RANBP17: variants seen among roughly 807,000 people sequenced by gnomAD.
RANBP17 encodes ran-binding protein 17.
RANBP17 carries 158 observed loss-of-function variants against 141.2 expected under a neutral mutation model. That is an observed-to-expected ratio of 1.12 (90% CI 0.98 to 1.28). The LOEUF is 1.28. Among genes scored for constraint, RANBP17 ranks in the 50% most tolerant of loss-of-function variants. The pLI is 0.00. For synonymous variants in RANBP17, 430 were observed against 450.0 expected, an observed-to-expected ratio of 0.96 and a Z score of 0.56; for missense variants, 1,438 against 1,290.7, an observed-to-expected ratio of 1.11 and a Z score of -1.75.
chr5:170,931,767 T>G (rs1773410095), intron 12 of RANBP17, among the ~76,000 whole-genome samples: 1 of 152,198 alleles, frequency 6.6e-6, no homozygotes, highest in South Asian at 2.1e-4. Context: ...TTGGTCTATA[T>G]CTCTGTTTTG....
At chr5:171,231,700 C>T (rs1011755048) in intron 22 of RANBP17, among the ~76,000 whole-genome samples, 5 of 152,040 alleles carry the variant, frequency 3.3e-5, no homozygotes, top group African/African-American at 1.2e-4. Flanking sequence ...GCTTTAAATA[C>T]GGGGAATTTA....
At chr5:170,898,275 T>C (rs1477601005) in intron 5 of RANBP17, among the ~76,000 whole-genome samples, 1 of 152,252 alleles carries the variant, frequency 6.6e-6, no homozygotes, top group Non-Finnish European at 1.5e-5. Context: ...ATTTCTCTAA[T>C]GACTAGTGAT....
At chr5:171,128,838 T>A (rs6888492) in intron 14 of RANBP17, among the ~76,000 whole-genome samples, 1 of 151,390 alleles carries the variant, frequency 6.6e-6, no homozygotes, top group African/African-American at 2.4e-5. Context: ...CCAAAAAAAA[T>A]TTGGACATGA....
chr5:171,199,559 GC>G (rs1368885612), intron 18 of RANBP17, 110 bp from the exon 19 acceptor site: 5 of 588,174 alleles, frequency 8.5e-6, no homozygotes, highest in Non-Finnish European at 1.5e-5. Flanking sequence ...GTGAATGCAG[GC>G]TGACCCCTTC....
At position 170,984,111 on chromosome 5, in the gene RANBP17, T is replaced by G. The variant is rs374993117; in HGVS notation, c.1710+15734T>G. Among the ~76,000 whole-genome samples, 37 of 152,154 alleles carry G rather than the reference T, an allele frequency of 2.4e-4. No individual in the cohort carries two copies. In the South Asian group the frequency reaches 7.7e-3, roughly 32 times the overall value. On this transcript the variant is annotated intron_variant, in intron 14 of 27. Coordinates refer to ENST00000523189, the MANE Select transcript of RANBP17 (RefSeq NM_022897.5). ...GAAGGAGTTTTTTAAGAGTAGGAAG[T>G]CTGGGAAAGCAGACACATAGCAGTC...
rs183068271 is a variant in RANBP17 at position 171,058,418 on chromosome 5, T to A, written c.1710+90041T>A. On this transcript the variant is annotated intron_variant, in intron 14 of 27. Coordinates refer to ENST00000523189, the MANE Select transcript of RANBP17 (RefSeq NM_022897.5). ...TGAGTGAGAACATGCGGTGTTTGGT[T>A]TTTTGTCCTTGTGATAGTTTGCTGA... Among the ~76,000 whole-genome samples, 17 of 150,216 alleles carry A rather than the reference T, an allele frequency of 1.1e-4. No homozygotes were observed. The East Asian group carries it at 3.4e-3, about 30-fold the overall frequency.
Position 171,168,027 on chromosome 5 carries a change from C to T in RANBP17, c.1711-2103C>T, listed in dbSNP as rs535169573. 3.9e-5 allele frequency among the ~76,000 whole-genome samples: 6 copies of T among 152,228 alleles called. No individual in the cohort carries two copies. The South Asian group carries it at 1.2e-3, about 32-fold the overall frequency. ...CTAGTAGATCCAGACCGTGTCCTTCCACTGCACATTAAAGCCACGTAGTAT... is the reference window on the plus strand; with the variant it reads ...CTAGTAGATCCAGACCGTGTCCTTCTACTGCACATTAAAGCCACGTAGTAT... On this transcript the variant is annotated intron_variant, in intron 14 of 27. Transcript: ENST00000523189.
At chr5:170,897,143 G>A in intron 5 of RANBP17, 1 of 826,284 alleles carries the variant, frequency 1.2e-6, no homozygotes, top group Admixed American at 1.8e-5. Flanking sequence ...ACTGAGAGAT[G>A]TATTTGATAC....
rs192188980 is a variant in RANBP17, at chr5:170,878,884, G to T, written c.165+641G>T. Among the ~76,000 whole-genome samples, 82 of 152,142 alleles carry T rather than the reference G, an allele frequency of 5.4e-4. 2 individuals are homozygous for T. In the Middle Eastern group the frequency reaches 0.037, roughly 69 times the overall value. On this transcript the variant is annotated intron_variant, in intron 2 of 27. Transcript: ENST00000523189. ...ATAGCAAATATTGTAGACTTTCTGGGCCAGGAGACAAAATGGAAGATATTT... is the reference window on the plus strand; with the variant it reads ...ATAGCAAATATTGTAGACTTTCTGGTCCAGGAGACAAAATGGAAGATATTT...
rs111701756 is a variant in RANBP17 at position 171,263,586 on chromosome 5, G to A, written c.2777-2095G>A. On this transcript the variant is annotated intron_variant, in intron 24 of 27. Transcript: ENST00000523189. ...ACCTTTCATATTAAATGTAAATGTC[G>A]CACTCCACTATTGGATGCCCTCAAG... is the stretch of plus-strand genomic sequence containing the variant. 9.7e-3 allele frequency among the ~76,000 whole-genome samples: 1,478 copies of A among 152,206 alleles called. 26 individuals are homozygous for A. The highest frequency in any genetic ancestry group is 0.034 in the African/African-American group (1,414 of 41,534).
chr5:171,137,262 G>T (rs1302102499), intron 14 of RANBP17, among the ~76,000 whole-genome samples: 1 of 152,050 alleles, frequency 6.6e-6, no homozygotes, highest in Non-Finnish European at 1.5e-5. Flanking sequence ...TGAAAGTTTT[G>T]TAACTCCAGA....
chr5:170,890,086 G>A (rs1769472564), intron 3 of RANBP17, among the ~76,000 whole-genome samples: 1 of 152,086 alleles, frequency 6.6e-6, no homozygotes, highest in African/African-American at 2.4e-5. Flanking sequence ...AGCTTTAAAT[G>A]TGAAACTTGG....
At chr5:171,298,230 A>C (rs1373364111) in intron 27 of RANBP17, among the ~76,000 whole-genome samples, 2 of 152,132 alleles carry the variant, frequency 1.3e-5, no homozygotes, top group Non-Finnish European at 2.9e-5. Flanking sequence ...TTAAGTATTC[A>C]TCCAATATCA....
intron 14 of RANBP17, among the ~76,000 whole-genome samples, chr5:171,047,735 C>A (rs997496555): frequency 2.6e-5 from 4 of 152,096 alleles, no homozygotes; most frequent in African/African-American, 4.8e-5. Context: ...CATTTGTTTT[C>A]TTGCTATTGA....
At chr5:171,158,928 A>T (rs568680504) in intron 14 of RANBP17, among the ~76,000 whole-genome samples, 2 of 152,154 alleles carry the variant, frequency 1.3e-5, no homozygotes, top group African/African-American at 4.8e-5. Flanking sequence ...TGAATCCTGT[A>T]TTTTCAGGTA....
chr5:171,116,327 T>C (rs1410679078), intron 14 of RANBP17, among the ~76,000 whole-genome samples: 2 of 152,156 alleles, frequency 1.3e-5, no homozygotes, highest in African/African-American at 4.8e-5. Context: ...TCCCATCTTC[T>C]ACAAAGAGGG....
intron 24 of RANBP17, among the ~76,000 whole-genome samples, chr5:171,245,502 C>T (rs952780056): frequency 4.0e-5 from 6 of 151,862 alleles, no homozygotes; most frequent in African/African-American, 1.5e-4. Context: ...TTAGTAGAGA[C>T]GGGGTTTCTC....
Position 171,242,712 on chromosome 5 carries a change from C to T in RANBP17, c.2668C>T (p.Pro890Ser). ...QYRKLSQSYY[P>S]LLECLTQDHM... Reference sequence around the variant, plus strand: ...CCGGAAACTGAGCCAGTCTTATTATCCACTCCTGGAATGTCTCACTCAGGA... The same window carrying T: ...CCGGAAACTGAGCCAGTCTTATTATTCACTCCTGGAATGTCTCACTCAGGA... The change falls in exon 24 of 28, where the codon CCA becomes TCA. Residue 890 changes from proline (P) to serine (S), a missense_variant. Transcript: ENST00000523189. The T allele has an allele frequency of 1.9e-6, 3 of 1,613,638 alleles. No individual in the cohort carries two copies. The highest frequency in any genetic ancestry group is 2.5e-6 in the Non-Finnish European group (3 of 1,179,820).
chr5:171,083,229 T>C (rs142286633), intron 14 of RANBP17, among the ~76,000 whole-genome samples: 3 of 152,274 alleles, frequency 2.0e-5, no homozygotes, highest in Non-Finnish European at 4.4e-5. Flanking sequence ...ATGATGGTAT[T>C]TGGAGGTGGG....
Sources: gnomAD v4.1 joint callset for allele counts (sites outside exome capture counted in the v4.1 genomes callset) on GRCh38, gnomAD v4.1.1 for gene constraint, MANE v1.5 for transcripts, NCBI Gene and HGNC (gene_info 2026-07-23, HGNC 2026-07-21) for gene names.